PNLIPRP3: variants seen among roughly 807,000 people sequenced by gnomAD.
PNLIPRP3 encodes the protein pancreatic lipase-related protein 3.
PNLIPRP3 carries 58 observed loss-of-function variants against 52.8 expected under a neutral mutation model. The observed-to-expected ratio is 1.10, with a 90% CI of 0.89 to 1.37. PNLIPRP3 has a LOEUF of 1.37. PNLIPRP3 is among the 40% of genes most tolerant of loss of function. PNLIPRP3 has a pLI of 0.00. For synonymous variants in PNLIPRP3, 192 were observed against 185.0 expected (o/e 1.04, Z -0.31); for missense variants, 593 against 561.6 (o/e 1.06, Z -0.57).
intron 4 of PNLIPRP3, among the ~76,000 whole-genome samples, chr10:116,448,877 A>C (rs896748409): frequency 1.3e-5 from 2 of 151,986 alleles, no homozygotes; most frequent in Admixed American, 6.6e-5. Context: ...TTAGCTGGCC[A>C]TACTGGTGGG....
chr10:116,436,120 G>A (rs770738847), intron 1 of PNLIPRP3, among the ~76,000 whole-genome samples: 4 of 152,012 alleles, frequency 2.6e-5, no homozygotes, highest in Non-Finnish European at 5.9e-5. Flanking sequence ...ACCAAATGGT[G>A]TTGGGAAAAT....
chr10:116,472,275 G>A (rs775342618), intron 10 of PNLIPRP3, among the ~76,000 whole-genome samples: 2 of 152,130 alleles, frequency 1.3e-5, no homozygotes, highest in African/African-American at 4.8e-5. Flanking sequence ...CTAATAAGCT[G>A]TCTAAGCATT....
rs1464428446 is a variant in PNLIPRP3 at position 116,473,515 on chromosome 10, TTTTC to T, written c.1172+1652_1172+1655del. Among the ~76,000 whole-genome samples, 3 of 152,076 alleles carry T rather than the reference TTTTC, an allele frequency of 2.0e-5. No individual in the cohort carries two copies. The East Asian group carries it at 5.8e-4, about 29-fold the overall frequency. ...CCATTATATAAGTTGCTAAATTTCT[TTTTC>T]TTTCTTTCTTTCTTTTTTTTGAGTT... On this transcript the variant is annotated intron_variant, in intron 10 of 11. Transcript: ENST00000369230.
At chr10:116,451,219 A>C (rs964498259) in intron 4 of PNLIPRP3, among the ~76,000 whole-genome samples, 6 of 152,220 alleles carry the variant, frequency 3.9e-5, no homozygotes, top group Non-Finnish European at 5.9e-5. Flanking sequence ...CTGGATATCC[A>C]CATAAAAATG....
intron 4 of PNLIPRP3, among the ~76,000 whole-genome samples, chr10:116,453,988 T>C (rs895127451): frequency 6.6e-6 from 1 of 151,856 alleles, no homozygotes; most frequent in Non-Finnish European, 1.5e-5. Context: ...CCTGTGTCCA[T>C]GTGTTCTCAT....
Position 116,444,366 on chromosome 10 carries a change from T to G in PNLIPRP3, c.325-16T>G. The G allele has an allele frequency of 6.3e-7, 1 of 1,585,250 alleles. No homozygotes were observed. The highest frequency in any genetic ancestry group is 8.6e-7 in the Non-Finnish European group (1 of 1,164,300). On this transcript the variant is annotated splice_polypyrimidine_tract_variant and intron_variant, in intron 3 of 11. Coordinates refer to ENST00000369230, the MANE Select transcript of PNLIPRP3 (RefSeq NM_001011709.3). ...AACACTTATTTATTTAATATTTATA[T>G]AAATCTTTGTGCCAGGTGTTGCTAC...
intron 10 of PNLIPRP3, among the ~76,000 whole-genome samples, chr10:116,472,998 C>T (rs531574417): frequency 7.2e-5 from 11 of 152,328 alleles, no homozygotes; most frequent in South Asian, 6.2e-4. Flanking sequence ...GCTCACAGGA[C>T]GCTGGGTAAA....
rs1210719912 is a variant in PNLIPRP3 at position 116,455,803 on chromosome 10, A to G, written c.538A>G (p.Arg180Gly). 2 of 1,614,080 alleles carry G rather than the reference A, an allele frequency of 1.2e-6. No individual in the cohort carries two copies. The highest frequency in any genetic ancestry group is 2.2e-5 in the South Asian group (2 of 91,072). The change falls in exon 5 of 12, where the codon AGG (arginine) becomes GGG (glycine). Residue 180 changes from arginine to glycine, a missense_variant. By Grantham distance (125) the Arg-to-Gly change is moderately radical (BLOSUM62 -2). Transcript: ENST00000369230. ...ACACCTGGCTGGGGAAGCTGGGTCAAGGATACCAGGCCTTGGAAGAATAAC... is the reference window on the plus strand; with the variant it reads ...ACACCTGGCTGGGGAAGCTGGGTCAGGGATACCAGGCCTTGGAAGAATAAC... ...GAHLAGEAGS[R>G]IPGLGRITGL...
rs1354639668 is a variant in PNLIPRP3, at chr10:116,453,664, G to A, written c.457-2058G>A. ...AGTTCACACAAGATCTGATTGTAAAGAGCACGGCCCCTCCCCACTTGCCTT... is the reference window on the plus strand; with the variant it reads ...AGTTCACACAAGATCTGATTGTAAAAAGCACGGCCCCTCCCCACTTGCCTT... On this transcript the variant is annotated intron_variant, in intron 4 of 11. Transcript: ENST00000369230. Among the ~76,000 whole-genome samples, 7 of 152,038 alleles carry A rather than the reference G, an allele frequency of 4.6e-5. No homozygotes were observed. In the East Asian group the frequency reaches 1.2e-3, roughly 25 times the overall value.
At chr10:116,470,298 T>G (rs10749216) in intron 9 of PNLIPRP3, among the ~76,000 whole-genome samples, 147,179 of 152,142 alleles carry the variant, frequency 0.97, 71,383 homozygotes, top group East Asian at 1. Flanking sequence ...TCACTCAGAC[T>G]GTAGTCAGTG....
chr10:116,436,414 C>A lies in PNLIPRP3; in HGVS notation c.50-297C>A, dbSNP rs140197012. ...TCCTATGAGAAAACATACGAAAAAT[C>A]TCCTTGTTGCTGGCTTTAGCAATGA... On this transcript the variant is annotated intron_variant, in intron 1 of 11. Coordinates refer to ENST00000369230, the MANE Select transcript of PNLIPRP3 (RefSeq NM_001011709.3). Among the ~76,000 whole-genome samples, 708 of 152,222 alleles carry A rather than the reference C, an allele frequency of 4.7e-3. 7 individuals are homozygous for A. Among genetic ancestry groups the A allele is most frequent in the African/African-American group, 0.016 (674 of 41,534 alleles).
intron 7 of PNLIPRP3, among the ~76,000 whole-genome samples, chr10:116,464,959 AC>A (rs761903049): frequency 1.1e-4 from 17 of 152,172 alleles, no homozygotes; most frequent in Non-Finnish European, 1.9e-4. Flanking sequence ...CTCCTTTGGC[AC>A]CTGCTGTTTG....
chr10:116,471,709 T>G, intron 9 of PNLIPRP3, 59 bp from the exon 10 acceptor site: 1 of 1,285,396 alleles, frequency 7.8e-7, no homozygotes, highest in Non-Finnish European at 1.1e-6. Context: ...CAGGAAGTCA[T>G]ACTTCCCATG....
At chr10:116,435,296 G>A (rs1417975553) in intron 1 of PNLIPRP3, among the ~76,000 whole-genome samples, 1 of 152,026 alleles carries the variant, frequency 6.6e-6, no homozygotes, top group Non-Finnish European at 1.5e-5. Context: ...GACAGACCTT[G>A]GAAGCTGGAA....
chr10:116,432,982 T>C (rs1038592317), intron 1 of PNLIPRP3, among the ~76,000 whole-genome samples: 1 of 150,164 alleles, frequency 6.7e-6, no homozygotes, highest in Non-Finnish European at 1.5e-5. Context: ...GGTGTGGAGG[T>C]GCACACCTGT....
chr10:116,444,574 A>G, intron 4 of PNLIPRP3, 61 bp downstream of exon 4: 1 of 1,491,660 alleles, frequency 6.7e-7, no homozygotes, highest in East Asian at 2.3e-5. Context: ...AACACTCAGA[A>G]GTTGGGACAA....
At position 116,476,765 on chromosome 10, in the gene PNLIPRP3, A is replaced by G; in HGVS notation, c.1286A>G (p.Gln429Arg). Residue 429 changes from glutamine (Q) to arginine (R), a missense_variant, in exon 11 of 12, where the codon CAG (glutamine) becomes CGG (arginine). Coordinates refer to ENST00000369230, the MANE Select transcript of PNLIPRP3 (RefSeq NM_001011709.3). ...IWKKHLFEDS[Q>R]NKLGAEMVIN... ...AAAAAACATTTGTTTGAAGATTCTC[A>G]GAATAAGTTGGGAGCAGAAATGGTG... 2.5e-6 allele frequency: 4 copies of G among 1,611,086 alleles called. No individual in the cohort carries two copies. The highest frequency in any genetic ancestry group is 1.3e-5 in the African/African-American group (1 of 74,942).
rs377105460 is a variant in PNLIPRP3 at position 116,461,050 on chromosome 10, T to C, written c.650T>C (p.Ile217Thr). ...TCGGATGCCAACTTTGTTGACGTTA[T>C]TCATACAAATGCAGCTCGCATCCTC... is the stretch of plus-strand genomic sequence containing the variant. The part of the protein sequence containing the change: ...DPSDANFVDV[I>T]HTNAARILFE... The change falls in exon 6 of 12, where the codon ATT becomes ACT. Residue 217 changes from isoleucine (I) to threonine (T), a missense_variant. Coordinates refer to ENST00000369230, the MANE Select transcript of PNLIPRP3 (RefSeq NM_001011709.3). 1 of 1,614,228 alleles carries C rather than the reference T, an allele frequency of 6.2e-7. No individual in the cohort carries two copies. Among genetic ancestry groups the C allele is most frequent in the Non-Finnish European group, 8.5e-7 (1 of 1,180,044 alleles).
chr10:116,444,304 T>C (rs1729967500), intron 3 of PNLIPRP3, 78 bp from the exon 4 acceptor site: 3 of 1,250,912 alleles, frequency 2.4e-6, no homozygotes, highest in Non-Finnish European at 3.3e-6. Context: ...TAATTTCTTA[T>C]TATGGAATCA....
Sources: allele counts gnomAD v4.1 joint callset (sites outside exome capture counted in the v4.1 genomes callset), GRCh38; gene constraint gnomAD v4.1.1; transcripts MANE v1.5; gene names NCBI Gene and HGNC (gene_info 2026-07-23, HGNC 2026-07-21).